Variants in COQ5 observed in about 807,000 individuals in gnomAD.
COQ5 encodes coenzyme Q5, methyltransferase.
A neutral mutation model predicts 40.5 loss-of-function variants in COQ5; 27 were observed. That is an observed-to-expected ratio of 0.67 (90% CI 0.49 to 0.92). The LOEUF (loss-of-function observed/expected upper bound fraction) is 0.92, where lower values mean the gene tolerates loss of function less well. Ranked by LOEUF, COQ5 falls within the 40% of genes least tolerant of loss-of-function variation. The pLI, the probability that COQ5 is intolerant of heterozygous loss-of-function variation, is 0.00. For synonymous variants in COQ5, 141 were observed against 150.0 expected (o/e 0.94, Z 0.44); for missense variants, 409 against 406.4 (o/e 1.01, Z -0.06).
At chr12:120,504,618 G>T in intron 5 of COQ5, 1 of 401,116 alleles carries the variant, frequency 2.5e-6, no homozygotes, top group Non-Finnish European at 4.7e-6. Flanking sequence ...CAACGTTATT[G>T]CCACTAATAA....
At chr12:120,523,451 C>T in intron 1 of COQ5, 1 of 375,902 alleles carries the variant, frequency 2.7e-6, no homozygotes, top group Non-Finnish European at 5.2e-6. Flanking sequence ...CATGTCTGCA[C>T]TGGTCCTCTC....
In COQ5 at chr12:120,503,557, T is replaced by C. The variant is rs1223308960; in HGVS notation, c.*227A>G. ...AGAGAAATTAGCAGTTGAGCAAAGATACAGACCAAATGCCTCTGGGAGATG... is the reference window on the plus strand; with the variant it reads ...AGAGAAATTAGCAGTTGAGCAAAGACACAGACCAAATGCCTCTGGGAGATG... On this transcript the variant is annotated 3_prime_UTR_variant, in exon 7 of 7. Transcript: ENST00000288532. 3.1e-6 allele frequency: 2 copies of C among 652,462 alleles called. No homozygotes were observed. Among genetic ancestry groups the C allele is most frequent in the Non-Finnish European group, 5.7e-6 (2 of 353,278 alleles). The allele number at this position is 652,462 out of a possible 1,614,324, so 40.4% of individuals were successfully genotyped here.
At chr12:120,520,884 A>T (rs1869615460) in intron 2 of COQ5, among the ~76,000 whole-genome samples, 1 of 151,766 alleles carries the variant, frequency 6.6e-6, no homozygotes, top group Admixed American at 6.6e-5. Flanking sequence ...TTGATATTTG[A>T]TGTGATAGCA....
At chr12:120,511,949 C>G (rs150015769) in intron 3 of COQ5, among the ~76,000 whole-genome samples, 1 of 152,078 alleles carries the variant, frequency 6.6e-6, no homozygotes, top group Non-Finnish European at 1.5e-5. Context: ...TGGTGGCTCA[C>G]GCCTGTAATC....
At chr12:120,510,651 A>T (rs1295393346) in intron 3 of COQ5, among the ~76,000 whole-genome samples, 3 of 152,102 alleles carry the variant, frequency 2.0e-5, no homozygotes, top group Non-Finnish European at 4.4e-5. Flanking sequence ...CTGTTTCCTC[A>T]TCTGTAAAAT....
chr12:120,506,091 G>A (rs1317573601), intron 4 of COQ5, among the ~76,000 whole-genome samples: 1 of 152,114 alleles, frequency 6.6e-6, no homozygotes, highest in East Asian at 1.9e-4. Flanking sequence ...CTGGCCTGAA[G>A]TGATCCACTC....
chr12:120,519,221 T>C (rs775922260), intron 2 of COQ5, among the ~76,000 whole-genome samples: 19 of 152,182 alleles, frequency 1.2e-4, no homozygotes, highest in Non-Finnish European at 2.4e-4. Flanking sequence ...TGAGCGTATA[T>C]GTGACTAAAT....
chr12:120,522,853 C>T, intron 1 of COQ5: 1 of 701,964 alleles, frequency 1.4e-6, no homozygotes, highest in Non-Finnish European at 2.5e-6. Context: ...TTGCGGCTGA[C>T]ACCCTTTGGG....
intron 1 of COQ5, among the ~76,000 whole-genome samples, chr12:120,525,664 C>T (rs1869899843): frequency 1.3e-5 from 2 of 151,972 alleles, no homozygotes; most frequent in Non-Finnish European, 2.9e-5. Context: ...GTGGCTCATG[C>T]CTATAATCCC....
chr12:120,512,797 C>T (rs1006905422), intron 3 of COQ5, among the ~76,000 whole-genome samples: 3 of 152,162 alleles, frequency 2.0e-5, no homozygotes, highest in Non-Finnish European at 4.4e-5. Context: ...ATAGCCCACA[C>T]CTGCAATCCC....
chr12:120,525,054 C>T (rs950986218), intron 1 of COQ5, among the ~76,000 whole-genome samples: 1 of 151,730 alleles, frequency 6.6e-6, no homozygotes, highest in South Asian at 2.1e-4. Context: ...CAGATCTGCC[C>T]GCCTTGGCTT....
At chr12:120,513,359 G>C (rs1286762869) in intron 3 of COQ5, among the ~76,000 whole-genome samples, 1 of 150,800 alleles carries the variant, frequency 6.6e-6, no homozygotes, top group African/African-American at 2.4e-5. Flanking sequence ...AAAATTAGCC[G>C]GGCGTGGCGG....
rs1565933320 is a variant in COQ5 at position 120,522,211 on chromosome 12, T to C, written c.352+3A>G. The C allele has an allele frequency of 3.7e-6, 6 of 1,614,030 alleles. No individual in the cohort carries two copies. The highest frequency in any genetic ancestry group is 5.1e-6 in the Non-Finnish European group (6 of 1,180,022). On this transcript the variant is annotated splice_donor_region_variant and intron_variant, in intron 2 of 6. Coordinates refer to ENST00000288532, the MANE Select transcript of COQ5 (RefSeq NM_032314.4). The stretch of plus-strand genomic sequence containing the variant: ...TAGTGAAGGATACCAAACTCGACAT[T>C]ACCTGTGCCTCCAGCAACATCAAGC...
chr12:120,508,488 C>T (rs1868982505), intron 4 of COQ5, among the ~76,000 whole-genome samples: 1 of 152,102 alleles, frequency 6.6e-6, no homozygotes, highest in Admixed American at 6.6e-5. Flanking sequence ...ATGATCGAAT[C>T]CATGCAAAAA....
In COQ5 at chr12:120,503,835, G is replaced by GT. The variant is rs780017739; in HGVS notation, c.932dup (p.Tyr311Ter). 1 of 1,614,042 alleles carries GT rather than the reference G, an allele frequency of 6.2e-7. No individual in the cohort carries two copies. Among genetic ancestry groups the GT allele is most frequent in the South Asian group, 1.1e-5 (1 of 91,084 alleles). Residue 311 changes from tyrosine to a stop codon, truncating the protein, a stop_gained and frameshift_variant, in exon 7 of 7, where the codon TAC becomes TAAC. Transcript: ENST00000288532. LOFTEE classifies it high-confidence loss of function. ...CCACAATGCCTGATGTTAGACTTTC[G>GT]TAAGTCACCTTGTGAAAGCCTGCAT... The part of the protein sequence containing the change: ...IEDAGFHKVT[Y>*]ESLTSGIVAI...
chr12:120,510,152 A>AGT, intron 3 of COQ5, 29 bp from the exon 4 acceptor site: 2 of 1,539,888 alleles, frequency 1.3e-6, no homozygotes, highest in Non-Finnish European at 1.8e-6. Flanking sequence ...TCCGGGTCTC[A>AGT]GTGTGGGTAG....
At chr12:120,510,163 CTG>C in intron 3 of COQ5, 40 bp from the exon 4 acceptor site, 4 of 1,457,008 alleles carry the variant, frequency 2.7e-6, no homozygotes, top group Non-Finnish European at 3.9e-6. Flanking sequence ...GTGTGGGTAG[CTG>C]TTTTTCCTGC....
intron 1 of COQ5, 69 bp downstream of exon 1, chr12:120,528,871 C>A: frequency 7.1e-7 from 1 of 1,409,470 alleles, no homozygotes; most frequent in South Asian, 1.2e-5. Context: ...TAAATCAACC[C>A]TAACTGGCCA....
intron 1 of COQ5, among the ~76,000 whole-genome samples, chr12:120,524,422 A>G (rs577440540): frequency 1.7e-3 from 251 of 151,166 alleles, no homozygotes; most frequent in African/African-American, 5.7e-3. Context: ...CACCACGCCC[A>G]GCTAATTTTT....
Sources: gnomAD v4.1 joint callset for allele counts (sites outside exome capture counted in the v4.1 genomes callset) on GRCh38, gnomAD v4.1.1 for gene constraint, MANE v1.5 for transcripts, NCBI Gene and HGNC (gene_info 2026-07-23, HGNC 2026-07-21) for gene names.